The following DNAH12 variants were observed in gnomAD, a reference collection of about 807,000 sequenced individuals.
DNAH12 encodes the protein axonemal beta dynein heavy chain 12.
A neutral mutation model predicts 371.5 loss-of-function variants in DNAH12; 285 were observed. The observed-to-expected ratio is 0.77, with a 90% CI of 0.70 to 0.85. DNAH12 has a LOEUF of 0.85. Ranked by LOEUF, DNAH12 falls within the 40% of genes least tolerant of loss-of-function variation. The pLI is 0.00. For synonymous variants in DNAH12, 1,200 were observed against 1,213.0 expected (o/e 0.99, Z 0.22); for missense variants, 3,611 against 3,689.4 (o/e 0.98, Z 0.55).
chr3:57,389,812 G>A (rs2063572709), intron 45 of DNAH12, among the ~76,000 whole-genome samples: 9 of 67,096 alleles, frequency 1.3e-4, no homozygotes, highest in Non-Finnish European at 3.3e-4. Flanking sequence ...GTGTGTGTGT[G>A]TGTGTGTGTG....
chr3:57,544,674 A>G (rs2069443956), upstream of DNAH12, among the ~76,000 whole-genome samples: 2 of 152,322 alleles, frequency 1.3e-5, no homozygotes, highest in South Asian at 2.1e-4. Flanking sequence ...TCCCCTAGTG[A>G]CACCCTGTAA....
intron 45 of DNAH12, among the ~76,000 whole-genome samples, chr3:57,388,118 T>C (rs1362057875): frequency 6.6e-6 from 1 of 152,186 alleles, no homozygotes; most frequent in East Asian, 1.9e-4. Context: ...TTGGCTTTCC[T>C]GGAATATGCC....
Position 57,458,112 on chromosome 3 carries a change from G to T in DNAH12, c.3040C>A (p.Leu1014Ile). 2 of 1,545,086 alleles carry T rather than the reference G, an allele frequency of 1.3e-6. No individual in the cohort carries two copies. The highest frequency in any genetic ancestry group is 1.7e-6 in the Non-Finnish European group (2 of 1,145,348). Reference sequence around the variant, plus strand: ...TATTTATCATACCGAGGGAAGAAAAGACGTTTCTTTTCAAGATATGCGTTA... The same window carrying T: ...TATTTATCATACCGAGGGAAGAAAATACGTTTCTTTTCAAGATATGCGTTA... Reference protein sequence around the residue: ...GLNAYLEKKRLFFPRFFFLSN... With the variant: ...GLNAYLEKKRIFFPRFFFLSN... Residue 1014 changes from leucine (L) to isoleucine (I), a missense_variant, in exon 21 of 74, where the codon CTT becomes ATT. This residue lies in a region of DNAH12 where 1,314 missense variants were observed against 1,398.7 expected (regional missense o/e 0.94). Coordinates refer to ENST00000495027, the MANE Select transcript of DNAH12 (RefSeq NM_001366028.2).
At chr3:57,443,677 G>A (rs112795258) in intron 29 of DNAH12, among the ~76,000 whole-genome samples, 1,557 of 151,418 alleles carry the variant, frequency 0.01, 19 homozygotes, top group African/African-American at 0.036. Flanking sequence ...CGTAGTTACC[G>A]TGTGCATCTG....
Position 57,402,413 on chromosome 3 carries a change from G to A in DNAH12, c.6948+896C>T, listed in dbSNP as rs782264130. On this transcript the variant is annotated intron_variant, in intron 43 of 73. Coordinates refer to ENST00000495027, the MANE Select transcript of DNAH12 (RefSeq NM_001366028.2). Reference sequence around the variant, plus strand: ...GCACTCCACTATCCTGTTGGTCACCGGGACAGCAATAAAGCTCTAAAGAAA... The same window carrying A: ...GCACTCCACTATCCTGTTGGTCACCAGGACAGCAATAAAGCTCTAAAGAAA... 29 of 1,304,656 alleles carry A rather than the reference G, an allele frequency of 2.2e-5. No homozygotes were observed. The highest frequency in any genetic ancestry group is 5.5e-5 in the East Asian group (1 of 18,036). The allele number at this position is 1,304,656 out of a possible 1,614,324, so 80.8% of individuals were successfully genotyped here.
chr3:57,419,422 T>C lies in DNAH12; in HGVS notation c.5659A>G (p.Thr1887Ala). Residue 1887 changes from threonine (T) to alanine (A), a missense_variant, in exon 37 of 74, where the codon ACG (threonine) becomes GCG (alanine). Physicochemically the swap from Thr to Ala is moderately conservative, Grantham distance 58. Transcript: ENST00000495027. ...QIKIQDIIVP[T>A]MDTIRYTFLM... ...AACGTATATCTAATTGTGTCCATCG[T>C]AGGGACTATGATATCTTGAATCTTG... is the stretch of plus-strand genomic sequence containing the variant. The C allele has an allele frequency of 6.6e-7, 1 of 1,514,100 alleles. No individual in the cohort carries two copies. Among genetic ancestry groups the C allele is most frequent in the Admixed American group, 2.3e-5 (1 of 43,354 alleles). The allele number at this position is 1,514,100 out of a possible 1,614,324, so 93.8% of individuals were successfully genotyped here. A position where few individuals can be genotyped will look rare whatever the true frequency, so the allele number is the denominator to read the frequency against.
chr3:57,390,424 A>AAATATATATATATAT, intron 45 of DNAH12, among the ~76,000 whole-genome samples: 2 of 33,438 alleles, frequency 6.0e-5, no homozygotes, highest in Non-Finnish European at 1.4e-4. Flanking sequence ...AAAAAAAAAA[A>AAATATATATATATAT]ATATATATAT....
chr3:57,308,830 T>C (rs185431771), intron 69 of DNAH12, among the ~76,000 whole-genome samples: 1 of 152,296 alleles, frequency 6.6e-6, no homozygotes, highest in East Asian at 1.9e-4. Flanking sequence ...GTTTTTCTTC[T>C]TCTCTTATTC....
At position 57,362,534 on chromosome 3, in the gene DNAH12, T is replaced by G. The variant is rs944918121; in HGVS notation, c.9360+1060A>C. On this transcript the variant is annotated intron_variant, in intron 58 of 73. Coordinates refer to ENST00000495027, the MANE Select transcript of DNAH12 (RefSeq NM_001366028.2). ...CACATCCTCTCCAGCACCTGTTGTT[T>G]CCTGACTTTTTAATGATCGCCATTC... Among the ~76,000 whole-genome samples, 149 of 152,296 alleles carry G rather than the reference T, an allele frequency of 9.8e-4. 1 individual carries two copies. Among genetic ancestry groups the G allele is most frequent in the African/African-American group, 3.5e-3 (145 of 41,544 alleles).
chr3:57,495,568 G>A (rs1463603316), intron 11 of DNAH12, among the ~76,000 whole-genome samples: 1 of 122,024 alleles, frequency 8.2e-6, no homozygotes, highest in Non-Finnish European at 1.7e-5. Flanking sequence ...TGGGCGACAA[G>A]AGTGAGACTC....
intron 32 of DNAH12, 61 bp from the exon 33 acceptor site, chr3:57,429,835 T>C (rs1440078117): frequency 1.5e-6 from 2 of 1,368,958 alleles, no homozygotes; most frequent in African/African-American, 1.5e-5. Context: ...CAGATAAAAA[T>C]TTATACTATG....
At chr3:57,354,876 C>T (rs1340507851) in intron 59 of DNAH12, among the ~76,000 whole-genome samples, 3 of 152,132 alleles carry the variant, frequency 2.0e-5, no homozygotes, top group Non-Finnish European at 2.9e-5. Flanking sequence ...AATCTCAAAA[C>T]ATTACATGCC....
At chr3:57,429,843 A>G (rs1427671107) in intron 32 of DNAH12, 69 bp from the exon 33 acceptor site, 15 of 1,287,390 alleles carry the variant, frequency 1.2e-5, no homozygotes, top group Non-Finnish European at 1.6e-5. Flanking sequence ...AATTTATACT[A>G]TGTATAAAAT....
intron 3 of DNAH12, 79 bp from the exon 4 acceptor site, chr3:57,523,688 A>T: frequency 4.7e-6 from 6 of 1,267,472 alleles, no homozygotes; most frequent in Non-Finnish European, 6.3e-6. Flanking sequence ...AATTAAATAT[A>T]TAGTTTAAAT....
At chr3:57,457,697 T>C (rs2065939231) in intron 22 of DNAH12, 24 bp downstream of exon 22, 1 of 1,541,842 alleles carries the variant, frequency 6.5e-7, no homozygotes, top group African/African-American at 1.4e-5. Context: ...ATATAGGGTA[T>C]ATATCAAATC....
chr3:57,491,788 A>T (rs1342442210), intron 11 of DNAH12, among the ~76,000 whole-genome samples: 1 of 151,972 alleles, frequency 6.6e-6, no homozygotes, highest in Non-Finnish European at 1.5e-5. Context: ...AAAAATAATA[A>T]TTTTTTTAAA....
intron 11 of DNAH12, among the ~76,000 whole-genome samples, chr3:57,490,123 T>G (rs2153385665): frequency 6.6e-6 from 1 of 152,302 alleles, no homozygotes; most frequent in Admixed American, 6.5e-5. Flanking sequence ...GGATTCTAAT[T>G]CAACCTTTAG....
Position 57,449,076 on chromosome 3 carries a change from C to G in DNAH12, c.3787-2387G>C, listed in dbSNP as rs565987439. On this transcript the variant is annotated intron_variant, in intron 25 of 73. Coordinates refer to ENST00000495027, the MANE Select transcript of DNAH12 (RefSeq NM_001366028.2). ...GTGTTTACAAACCTTGAGCTAGATA[C>G]AGAGTGCCGATTGGTGTATTTACAA... is the stretch of plus-strand genomic sequence containing the variant. 2.4e-3 allele frequency among the ~76,000 whole-genome samples: 202 copies of G among 84,850 alleles called. 5 individuals carry two copies. Among genetic ancestry groups the G allele is most frequent in the African/African-American group, 0.01 (193 of 19,108 alleles). The allele number at this position is 84,850 out of a possible 152,430, so 55.7% of individuals were successfully genotyped here. A position where few individuals can be genotyped will look rare whatever the true frequency, so the allele number is the denominator to read the frequency against.
intron 11 of DNAH12, among the ~76,000 whole-genome samples, chr3:57,493,339 G>T: frequency 6.6e-6 from 1 of 151,990 alleles, no homozygotes; most frequent in South Asian, 2.1e-4. Flanking sequence ...TCTTTATATA[G>T]CATTTATATT....
Sources: gnomAD v4.1 joint callset for allele counts (sites outside exome capture counted in the v4.1 genomes callset) on GRCh38, gnomAD v4.1.1 for gene constraint, gnomAD v4.1.1 regional missense constraint, MANE v1.5 for transcripts, NCBI Gene and HGNC (gene_info 2026-07-23, HGNC 2026-07-21) for gene names.